SORCS3: variants seen among roughly 807,000 people sequenced by gnomAD.
SORCS3 encodes sortilin related VPS10 domain containing receptor 3, also known as VPS10 domain-containing receptor SorCS3.
In SORCS3, 57 loss-of-function variants were observed where a neutral mutation model predicts 146.3. The ratio of observed to expected loss-of-function variants is 0.39; its 90% CI spans 0.31 to 0.49. The LOEUF (loss-of-function observed/expected upper bound fraction) is 0.49. Ranked by LOEUF, SORCS3 falls within the 20% of genes least tolerant of loss-of-function variation. The probability of loss-of-function intolerance (pLI) is 0.92; values close to 1 mark genes in which losing one functional copy is unlikely to be tolerated. For missense variants in SORCS3, 1,341 were observed against 1,575.5 expected (o/e 0.85, Z 2.52); for synonymous variants, 653 against 618.5 (o/e 1.06, Z -0.83).
chr10:104,677,836 T>C (rs889033886), intron 1 of SORCS3, among the ~76,000 whole-genome samples: 1 of 152,204 alleles, frequency 6.6e-6, no homozygotes, highest in Non-Finnish European at 1.5e-5. Context: ...TCCATCTTCA[T>C]TCCTGGAAAC....
intron 3 of SORCS3, among the ~76,000 whole-genome samples, chr10:104,962,041 A>G (rs895974151): frequency 1.1e-4 from 16 of 151,958 alleles, no homozygotes; most frequent in African/African-American, 3.9e-4. Context: ...ATATTTATAA[A>G]TTTCAAATAT....
chr10:105,086,229 G>T (rs1207577136), intron 5 of SORCS3, among the ~76,000 whole-genome samples: 2 of 152,166 alleles, frequency 1.3e-5, no homozygotes, highest in African/African-American at 4.8e-5. Flanking sequence ...GGGCTGCTGT[G>T]ATTGACCAGC....
chr10:105,240,587 A>T (rs1030416277), intron 20 of SORCS3, among the ~76,000 whole-genome samples: 2 of 152,180 alleles, frequency 1.3e-5, no homozygotes, highest in Non-Finnish European at 2.9e-5. Context: ...AATTTAAGAC[A>T]CCTATATTCT....
At chr10:105,242,440 TTA>T (rs1280340020) in intron 20 of SORCS3, among the ~76,000 whole-genome samples, 1,090 of 63,088 alleles carry the variant, frequency 0.017, 29 homozygotes, top group South Asian at 0.04. Flanking sequence ...ATACATATAT[TTA>T]TATATATTTA....
At chr10:104,806,097 T>C (rs1268898424) in intron 1 of SORCS3, among the ~76,000 whole-genome samples, 2 of 152,190 alleles carry the variant, frequency 1.3e-5, no homozygotes, top group African/African-American at 2.4e-5. Context: ...CAAGTTATCC[T>C]TAGCTTCCAG....
At chr10:104,968,328 C>G (rs1266846903) in intron 3 of SORCS3, among the ~76,000 whole-genome samples, 1 of 152,148 alleles carries the variant, frequency 6.6e-6, no homozygotes, top group African/African-American at 2.4e-5. Flanking sequence ...ATTGGTCAGG[C>G]TGGTCTCGAA....
At chr10:104,994,557 G>A (rs1240221005) in intron 4 of SORCS3, among the ~76,000 whole-genome samples, 4 of 152,114 alleles carry the variant, frequency 2.6e-5, no homozygotes, top group Non-Finnish European at 2.9e-5. Context: ...GAGCAAATCC[G>A]TCACCTTCAA....
chr10:105,072,668 T>C (rs1459608142), intron 5 of SORCS3, among the ~76,000 whole-genome samples: 4 of 141,716 alleles, frequency 2.8e-5, no homozygotes, highest in Non-Finnish European at 6.0e-5. Flanking sequence ...TCTTTTTTTT[T>C]TTTTTTTTTT....
intron 3 of SORCS3, among the ~76,000 whole-genome samples, chr10:104,940,855 A>G (rs928589334): frequency 1.3e-5 from 2 of 152,180 alleles, no homozygotes; most frequent in Non-Finnish European, 2.9e-5. Flanking sequence ...TCAAGCTACC[A>G]ATGACTTTCT....
intron 4 of SORCS3, among the ~76,000 whole-genome samples, chr10:105,018,968 C>A (rs2055183760): frequency 6.6e-6 from 1 of 152,184 alleles, no homozygotes; most frequent in Non-Finnish European, 1.5e-5. Flanking sequence ...TATCTTGGGA[C>A]TTCCCCCTCT....
At chr10:104,924,500 T>C (rs1319474634) in intron 3 of SORCS3, among the ~76,000 whole-genome samples, 1 of 152,204 alleles carries the variant, frequency 6.6e-6, no homozygotes, top group Non-Finnish European at 1.5e-5. Flanking sequence ...CCAAAGGGTA[T>C]TGCAGCTGGA....
At chr10:104,874,163 A>G (rs554367053) in intron 2 of SORCS3, among the ~76,000 whole-genome samples, 1 of 152,074 alleles carries the variant, frequency 6.6e-6, no homozygotes, top group South Asian at 2.1e-4. Context: ...TCCTTCTCAC[A>G]CCCTCCTCTT....
At chr10:104,721,153 A>G (rs962799404) in intron 1 of SORCS3, among the ~76,000 whole-genome samples, 1 of 152,164 alleles carries the variant, frequency 6.6e-6, no homozygotes, top group Non-Finnish European at 1.5e-5. Context: ...TAATTTTTGT[A>G]TAAGGTGTAA....
intron 5 of SORCS3, among the ~76,000 whole-genome samples, chr10:105,088,297 A>G (rs904684402): frequency 6.6e-6 from 1 of 152,158 alleles, no homozygotes; most frequent in Admixed American, 6.5e-5. Flanking sequence ...TGCTGTTAGG[A>G]TAAAATGAGG....
At chr10:105,240,816 A>C (rs926763137) in intron 20 of SORCS3, among the ~76,000 whole-genome samples, 5 of 152,026 alleles carry the variant, frequency 3.3e-5, no homozygotes, top group Non-Finnish European at 7.4e-5. Flanking sequence ...CCCCCTTCTC[A>C]GTCAATCTCC....
chr10:104,814,623 C>T (rs1337037222), intron 1 of SORCS3, among the ~76,000 whole-genome samples: 1 of 152,152 alleles, frequency 6.6e-6, no homozygotes, highest in Non-Finnish European at 1.5e-5. Context: ...CTGACAGTAC[C>T]TCACGCTTTC....
chr10:104,828,028 T>G (rs2017957742), intron 1 of SORCS3, among the ~76,000 whole-genome samples: 1 of 152,208 alleles, frequency 6.6e-6, no homozygotes, highest in Admixed American at 6.5e-5. Context: ...GTGTTGTGGC[T>G]GGTTTGATCT....
In SORCS3 at chr10:104,720,438, A is replaced by T. The variant is rs34694345; in HGVS notation, c.627+78484A>T. Reference sequence around the variant, plus strand: ...TGTGAATAGTGCCACAATAAACATAAGTGTGCATGTGTCTTTATAGAAGCA... The same window carrying T: ...TGTGAATAGTGCCACAATAAACATATGTGTGCATGTGTCTTTATAGAAGCA... On this transcript the variant is annotated intron_variant, in intron 1 of 26. Coordinates refer to ENST00000369701, the MANE Select transcript of SORCS3 (RefSeq NM_014978.3). Among the ~76,000 whole-genome samples the T allele has an allele frequency of 1.5e-3, 230 of 152,196 alleles. 1 individual carries two copies. Among genetic ancestry groups the T allele is most frequent in the African/African-American group, 5.3e-3 (219 of 41,536 alleles).
At chr10:104,670,285 A>G (rs761762852) in intron 1 of SORCS3, among the ~76,000 whole-genome samples, 30 of 152,138 alleles carry the variant, frequency 2.0e-4, no homozygotes, top group Non-Finnish European at 4.4e-5. Flanking sequence ...TAAGAAATCC[A>G]ATGTAGTGAA....
Sources: gnomAD v4.1 joint callset for allele counts (sites outside exome capture counted in the v4.1 genomes callset) on GRCh38, gnomAD v4.1.1 for gene constraint, MANE v1.5 for transcripts, NCBI Gene and HGNC (gene_info 2026-07-23, HGNC 2026-07-21) for gene names.